The following ERC2 variants were observed in gnomAD, a reference collection of about 807,000 sequenced individuals.
ERC2 encodes ELKS/RAB6-interacting/CAST family member 2.
Under a neutral mutation model 114.8 loss-of-function variants are expected in ERC2, and 42 were observed. The observed-to-expected ratio is 0.37, with a 90% CI of 0.29 to 0.47. ERC2 has a LOEUF of 0.47. Among genes scored for constraint, ERC2 ranks in the 20% least tolerant of loss-of-function variants. The pLI is 0.99. For synonymous variants in ERC2, 454 were observed against 425.5 expected, an observed-to-expected ratio of 1.07 and a Z score of -0.82; for missense variants, 939 against 1,150.7, an observed-to-expected ratio of 0.82 and a Z score of 2.66.
At chr3:56,431,875 C>T (rs1330339138) in intron 2 of ERC2, among the ~76,000 whole-genome samples, 1 of 152,152 alleles carries the variant, frequency 6.6e-6, no homozygotes, top group Non-Finnish European at 1.5e-5. Flanking sequence ...GTCACACAGT[C>T]ACATTTCACC....
intron 3 of ERC2, among the ~76,000 whole-genome samples, chr3:56,247,754 G>A (rs529617364): frequency 7.2e-5 from 11 of 152,298 alleles, no homozygotes; most frequent in African/African-American, 2.6e-4. Context: ...GCGCACCGTG[G>A]TACAGACTGC....
chr3:56,221,163 AT>A (rs1283615158), intron 3 of ERC2, among the ~76,000 whole-genome samples: 1 of 151,810 alleles, frequency 6.6e-6, no homozygotes, highest in Non-Finnish European at 1.5e-5. Context: ...AAAATTGAAA[AT>A]TTTCAAATTA....
chr3:56,409,557 T>A (rs1407387784), intron 2 of ERC2, among the ~76,000 whole-genome samples: 2 of 146,974 alleles, frequency 1.4e-5, no homozygotes, highest in Admixed American at 1.4e-4. Flanking sequence ...AAAGGGCTGG[T>A]GATATTTAAA....
At chr3:56,085,062 AC>A (rs2077435105) in intron 6 of ERC2, among the ~76,000 whole-genome samples, 1 of 152,104 alleles carries the variant, frequency 6.6e-6, no homozygotes, top group South Asian at 2.1e-4. Flanking sequence ...CATCTATAAA[AC>A]CAAGAGGTGT....
At position 55,907,566 on chromosome 3, in the gene ERC2, T is replaced by C. The variant is rs981061836; in HGVS notation, c.2404-19017A>G. ...ATAATGTGTATTCTGTAATTTGATG[T>C]AACAGAGCTACAGAAGGGCATTCCT... On this transcript the variant is annotated intron_variant, in intron 13 of 17. Coordinates refer to ENST00000288221, the MANE Select transcript of ERC2 (RefSeq NM_015576.3). 1.4e-4 allele frequency among the ~76,000 whole-genome samples: 22 copies of C among 152,358 alleles called. No individual in the cohort carries two copies. The South Asian group carries it at 2.7e-3, about 19-fold the overall frequency.
chr3:56,139,447 G>A (rs1402869305), intron 6 of ERC2, 62 bp downstream of exon 6: 4 of 1,530,620 alleles, frequency 2.6e-6, no homozygotes, highest in Non-Finnish European at 3.5e-6. Context: ...AAGTTGTTCA[G>A]GTAGGGCAAT....
At chr3:56,189,202 T>C (rs151104031) in intron 3 of ERC2, among the ~76,000 whole-genome samples, 218 of 152,304 alleles carry the variant, frequency 1.4e-3, no homozygotes, top group African/African-American at 4.6e-3. Flanking sequence ...CTCCACAGAA[T>C]GAATCTGTTT....
intron 13 of ERC2, among the ~76,000 whole-genome samples, chr3:55,918,839 A>T (rs2065253571): frequency 6.6e-6 from 1 of 151,130 alleles, no homozygotes; most frequent in Non-Finnish European, 1.5e-5. Flanking sequence ...GACTAGCTAA[A>T]GAATCATGCC....
At chr3:56,372,796 G>A (rs1197454331) in intron 2 of ERC2, among the ~76,000 whole-genome samples, 1 of 152,020 alleles carries the variant, frequency 6.6e-6, no homozygotes, top group Non-Finnish European at 1.5e-5. Flanking sequence ...CTAGAACTGA[G>A]CTCTAATCTG....
At chr3:55,975,042 C>A (rs976895391) in intron 12 of ERC2, among the ~76,000 whole-genome samples, 5 of 152,036 alleles carry the variant, frequency 3.3e-5, no homozygotes, top group Non-Finnish European at 5.9e-5. Context: ...TGATTCTGGC[C>A]CTGGAACCGA....
At chr3:55,655,417 C>T (rs912908355) in intron 17 of ERC2, among the ~76,000 whole-genome samples, 6 of 152,302 alleles carry the variant, frequency 3.9e-5, no homozygotes, top group Non-Finnish European at 8.8e-5. Flanking sequence ...TTGTTTCCTG[C>T]ACTTGGGCTG....
chr3:56,191,057 G>A (rs549497286), intron 3 of ERC2, among the ~76,000 whole-genome samples: 18 of 152,286 alleles, frequency 1.2e-4, no homozygotes, highest in Non-Finnish European at 2.1e-4. Flanking sequence ...GCTCCAAGAT[G>A]CCAGGTGGTC....
At chr3:55,733,527 TTCTTTCTCTC>T (rs57083778) in intron 15 of ERC2, among the ~76,000 whole-genome samples, 24,450 of 95,254 alleles carry the variant, frequency 0.26, 3,142 homozygotes, top group Non-Finnish European at 0.3. Flanking sequence ...CTGTCTCTCA[TTCTTTCTCTC>T]TCTCTCACAC....
chr3:55,579,278 G>C (rs1337413648), intron 17 of ERC2, among the ~76,000 whole-genome samples: 1 of 152,022 alleles, frequency 6.6e-6, no homozygotes, highest in African/African-American at 2.4e-5. Context: ...CCCATACTTT[G>C]TATAGTATAT....
At chr3:55,632,836 GAAGA>G (rs2059811161) in intron 17 of ERC2, among the ~76,000 whole-genome samples, 1 of 152,194 alleles carries the variant, frequency 6.6e-6, no homozygotes, top group Non-Finnish European at 1.5e-5. Context: ...AGAGAAGAAA[GAAGA>G]AAGAAAGGAA....
At chr3:56,147,996 A>T (rs2081231963) in intron 5 of ERC2, among the ~76,000 whole-genome samples, 1 of 152,228 alleles carries the variant, frequency 6.6e-6, no homozygotes, top group Admixed American at 6.5e-5. Flanking sequence ...AGGTTACTCT[A>T]GAATATTTTA....
intron 3 of ERC2, among the ~76,000 whole-genome samples, chr3:56,207,857 G>C (rs1320499078): frequency 6.6e-6 from 1 of 152,088 alleles, no homozygotes; most frequent in Non-Finnish European, 1.5e-5. Flanking sequence ...GAAGTTTGAA[G>C]GTTATACTTG....
At chr3:55,578,738 T>C (rs564470033) in intron 17 of ERC2, among the ~76,000 whole-genome samples, 2 of 152,314 alleles carry the variant, frequency 1.3e-5, no homozygotes, top group East Asian at 3.9e-4. Context: ...CTGGGCTCAC[T>C]CATGTTCCTC....
chr3:55,660,468 G>A (rs2061077692), intron 17 of ERC2, among the ~76,000 whole-genome samples: 1 of 151,952 alleles, frequency 6.6e-6, no homozygotes, highest in Non-Finnish European at 1.5e-5. Flanking sequence ...AACCTGGGGG[G>A]TGGGGCGGGG....
Sources: allele counts gnomAD v4.1 joint callset (sites outside exome capture counted in the v4.1 genomes callset), GRCh38; gene constraint gnomAD v4.1.1; transcripts MANE v1.5; gene names NCBI Gene and HGNC (gene_info 2026-07-23, HGNC 2026-07-21).